The following TOGARAM2 variants were observed in gnomAD, a reference collection of about 807,000 sequenced individuals.
The protein encoded by TOGARAM2 is TOG array regulator of axonemal microtubules 2, also known as TOG array regulator of axonemal microtubules protein 2.
TOGARAM2 carries 85 observed loss-of-function variants against 93.3 expected under a neutral mutation model. The ratio of observed to expected loss-of-function variants is 0.91; its 90% CI spans 0.76 to 1.09. TOGARAM2 has a LOEUF of 1.09. Among genes scored for constraint, TOGARAM2 ranks in the 50% least tolerant of loss-of-function variants. The pLI is 0.00. For synonymous variants in TOGARAM2, 593 were observed against 552.8 expected (o/e 1.07, Z -1.02); for missense variants, 1,277 against 1,334.5 (o/e 0.96, Z 0.67).
intron 1 of TOGARAM2, among the ~76,000 whole-genome samples, chr2:28,962,071 A>C (rs1265528060): frequency 6.6e-6 from 1 of 152,212 alleles, no homozygotes; most frequent in Non-Finnish European, 1.5e-5. Flanking sequence ...AATTAAAAAA[A>C]ATCATCATTA....
At position 28,991,035 on chromosome 2, in the gene TOGARAM2, TG is replaced by T. The variant is rs34596074; in HGVS notation, c.-110-3689del. Among the ~76,000 whole-genome samples, 87 of 132,722 alleles carry T rather than the reference TG, an allele frequency of 6.6e-4. No homozygotes were observed. The East Asian group carries it at 8.0e-3, about 12-fold the overall frequency. The allele number at this position is 132,722 out of a possible 152,430, so 87.1% of individuals were successfully genotyped here. A position where few individuals can be genotyped will look rare whatever the true frequency, so the allele number is the denominator to read the frequency against. ...GTGTGTGTGTGTGTGTGTGTGTGTG[TG>T]TGTGGCTTTTCCCCAGGGAAAAAGA... On this transcript the variant is annotated intron_variant, in intron 1 of 19. Coordinates refer to ENST00000379558, the MANE Select transcript of TOGARAM2 (RefSeq NM_199280.4).
chr2:28,987,751 C>T (rs1392601646), intron 1 of TOGARAM2, among the ~76,000 whole-genome samples: 1 of 152,238 alleles, frequency 6.6e-6, no homozygotes, highest in African/African-American at 2.4e-5. Flanking sequence ...GTATTAACCC[C>T]ACCTGATCTC....
chr2:28,999,566 T>C (rs918734098), intron 4 of TOGARAM2, 98 bp downstream of exon 4: 1 of 1,370,672 alleles, frequency 7.3e-7, no homozygotes, highest in African/African-American at 1.5e-5. Flanking sequence ...CCAGGTGGCA[T>C]GCTGGGATGC....
In TOGARAM2 at chr2:28,999,295, A is replaced by C; in HGVS notation, c.254A>C (p.Gln85Pro). 1 of 1,613,906 alleles carries C rather than the reference A, an allele frequency of 6.2e-7. No homozygotes were observed. The highest frequency in any genetic ancestry group is 2.2e-5 in the East Asian group (1 of 44,868). ...CTGGACACCCCTTCCAAGGGCTGGC[A>C]GGCAAGGAATGGTCACCCCAGGAAC... ...LKLDTPSKGW[Q>P]ARNGHPRNLR... The change falls in exon 4 of 20, where the codon CAG (glutamine) becomes CCG (proline). Residue 85 changes from glutamine to proline, a missense_variant. Coordinates refer to ENST00000379558, the MANE Select transcript of TOGARAM2 (RefSeq NM_199280.4).
At chr2:28,973,514 C>T (rs1190660981) in intron 1 of TOGARAM2, among the ~76,000 whole-genome samples, 7 of 142,220 alleles carry the variant, frequency 4.9e-5, no homozygotes, top group African/African-American at 1.8e-4. Context: ...CTCCTTCCCT[C>T]CTTCCTGCCT....
Position 29,024,230 on chromosome 2 carries a change from C to A in TOGARAM2, c.1709C>A (p.Ala570Asp), listed in dbSNP as rs200862576. Residue 570 changes from alanine to aspartate, a missense_variant, in exon 13 of 20, where the codon GCC becomes GAC. Ala to Asp is a moderately radical substitution (Grantham distance 126). Transcript: ENST00000379558. The part of the protein sequence containing the change: ...QALKKNMDQE[A>D]EEIARCLLQK... The stretch of plus-strand genomic sequence containing the variant: ...TTGAAGAAGAATATGGACCAGGAGG[C>A]CGAGGAGATCGCCCGCTGCTTGCTG... 80 of 1,609,696 alleles carry A rather than the reference C, an allele frequency of 5.0e-5. No individual in the cohort carries two copies. In the East Asian group the frequency reaches 1.8e-3, roughly 36 times the overall value.
chr2:28,964,466 TTG>T (rs1211591264), intron 1 of TOGARAM2, among the ~76,000 whole-genome samples: 3 of 120,810 alleles, frequency 2.5e-5, no homozygotes, highest in Non-Finnish European at 6.1e-5. Flanking sequence ...TAATTGGGTC[TTG>T]TTTTTTTTTT....
chr2:29,004,432 A>G (rs1304703719), intron 6 of TOGARAM2, among the ~76,000 whole-genome samples: 1 of 152,274 alleles, frequency 6.6e-6, no homozygotes, highest in Non-Finnish European at 1.5e-5. Context: ...AGGGGTCTTC[A>G]TATCCCACAA....
At chr2:29,031,046 C>T (rs773869974) in intron 14 of TOGARAM2, among the ~76,000 whole-genome samples, 1 of 152,238 alleles carries the variant, frequency 6.6e-6, no homozygotes, top group Non-Finnish European at 1.5e-5. Context: ...GATTTCAAGA[C>T]ACACATCCTT....
intron 1 of TOGARAM2, among the ~76,000 whole-genome samples, chr2:28,970,064 G>A (rs1671923670): frequency 1.3e-5 from 2 of 152,136 alleles, no homozygotes; most frequent in African/African-American, 4.8e-5. Flanking sequence ...GCCCGCCTTG[G>A]CCTCCCAAAG....
chr2:29,022,246 G>C lies in TOGARAM2; in HGVS notation c.1449G>C (p.Arg483Ser). The C allele has an allele frequency of 6.2e-7, 1 of 1,614,038 alleles. No individual in the cohort carries two copies. The highest frequency in any genetic ancestry group is 8.5e-7 in the Non-Finnish European group (1 of 1,179,890). ...EMDLRACKEL[R>S]PFSNPELGLR... ...ATCTTAGAGCCTGTAAGGAGTTGAG[G>C]CCTTTCTCGAACCCGGAGCTGGGGC... The change falls in exon 11 of 20, where the codon AGG becomes AGC. Residue 483 changes from arginine (R) to serine (S), a missense_variant. Transcript: ENST00000379558.
At chr2:28,967,047 A>G (rs922266092) in intron 1 of TOGARAM2, among the ~76,000 whole-genome samples, 5 of 152,258 alleles carry the variant, frequency 3.3e-5, no homozygotes, top group African/African-American at 1.2e-4. Flanking sequence ...ATTAGAAAAA[A>G]GGAAAGCGGC....
rs143303211 is a variant in TOGARAM2, at chr2:29,035,583, G to A, written c.2345G>A (p.Arg782Gln). The A allele has an allele frequency of 3.4e-4, 542 of 1,590,996 alleles. No individual in the cohort carries two copies. The highest frequency in any genetic ancestry group is 1.6e-3 in the Admixed American group (90 of 57,768). The part of the protein sequence containing the change: ...RLLEAKDFRS[R>Q]MEGVGQLLEL... ...CTGGAGGCCAAGGACTTCCGGTCCC[G>A]GATGGAAGGCGTGGGGCAGCTCCTG... is the stretch of plus-strand genomic sequence containing the variant. The change falls in exon 17 of 20, where the codon CGG becomes CAG. Residue 782 changes from arginine to glutamine, a missense_variant. Physicochemically the swap from Arg to Gln is conservative, Grantham distance 43 (BLOSUM62 1). Transcript: ENST00000379558.
At chr2:29,024,504 C>CA in intron 13 of TOGARAM2, 130 bp downstream of exon 13, 1 of 820,136 alleles carries the variant, frequency 1.2e-6, no homozygotes, top group Non-Finnish European at 1.9e-6. Flanking sequence ...AGTGAGGCTG[C>CA]AGGGGGTCCC....
At chr2:28,995,305 G>A (rs963499821) in intron 2 of TOGARAM2, among the ~76,000 whole-genome samples, 10 of 152,226 alleles carry the variant, frequency 6.6e-5, no homozygotes, top group Admixed American at 6.5e-4. Context: ...GCCTGGCTCT[G>A]CTTTTGGGAG....
chr2:28,995,319 G>C (rs1419488866), intron 2 of TOGARAM2, among the ~76,000 whole-genome samples: 2 of 152,220 alleles, frequency 1.3e-5, no homozygotes, highest in Admixed American at 1.3e-4. Context: ...TTGGGAGCTG[G>C]CTGGGTGAGC....
At chr2:29,011,066 A>C (rs370324664) in intron 6 of TOGARAM2, among the ~76,000 whole-genome samples, 1 of 152,188 alleles carries the variant, frequency 6.6e-6, no homozygotes, top group South Asian at 2.1e-4. Context: ...ACTTGAGCTC[A>C]GTGCTGTCTA....
At chr2:28,960,596 A>G (rs1671789654) in intron 1 of TOGARAM2, among the ~76,000 whole-genome samples, 1 of 152,178 alleles carries the variant, frequency 6.6e-6, no homozygotes, top group Non-Finnish European at 1.5e-5. Flanking sequence ...CACACCGAGG[A>G]GACCAGGCCA....
chr2:29,025,195 C>A (rs1331053325), intron 13 of TOGARAM2, among the ~76,000 whole-genome samples: 1 of 152,116 alleles, frequency 6.6e-6, no homozygotes, highest in African/African-American at 2.4e-5. Context: ...GGGTTCACAT[C>A]CTGATTGTCA....
Sources: allele counts gnomAD v4.1 joint callset (sites outside exome capture counted in the v4.1 genomes callset), GRCh38; gene constraint gnomAD v4.1.1; transcripts MANE v1.5; gene names NCBI Gene and HGNC (gene_info 2026-07-23, HGNC 2026-07-21).